The following PPARGC1A variants were observed in gnomAD, a reference collection of about 807,000 sequenced individuals.
PPARGC1A encodes PPARG coactivator 1 alpha, also known as peroxisome proliferator-activated receptor gamma coactivator 1-alpha.
Under a neutral mutation model 88.7 loss-of-function variants are expected in PPARGC1A, and 25 were observed. The ratio of observed to expected loss-of-function variants is 0.28; its 90% CI spans 0.21 to 0.39. The LOEUF (loss-of-function observed/expected upper bound fraction) is 0.39, where lower values mean the gene tolerates loss of function less well. PPARGC1A is among the 10% of genes least tolerant of loss of function. The probability of loss-of-function intolerance (pLI) is 1.00; values close to 1 mark genes in which losing one functional copy is unlikely to be tolerated. For missense variants in PPARGC1A, 880 were observed against 968.7 expected (o/e 0.91, Z 1.22); for synonymous variants, 363 against 355.6 (o/e 1.02, Z -0.24).
At chr4:24,220,441 T>C in the PPARGC1A span, among the ~76,000 whole-genome samples, 4 of 152,216 alleles carry the variant, frequency 2.6e-5, no homozygotes, top group African/African-American at 7.2e-5. Context: ...ATTGCAGCAC[T>C]ATTCACAATA....
At chr4:24,249,258 G>A in the PPARGC1A span, among the ~76,000 whole-genome samples, 2 of 151,824 alleles carry the variant, frequency 1.3e-5, no homozygotes, top group Non-Finnish European at 2.9e-5. Context: ...TAGCTATGAA[G>A]TTGCACTCCT....
chr4:24,233,585 TACACACACACACACACACACAC>T, the PPARGC1A span, among the ~76,000 whole-genome samples: 2 of 149,216 alleles, frequency 1.3e-5, no homozygotes, highest in Non-Finnish European at 3.0e-5. Context: ...CACAAACACA[TACACACACACACACACACACAC>T]ACACACACAC....
chr4:23,957,938 A>G, the PPARGC1A span, among the ~76,000 whole-genome samples: 1 of 152,118 alleles, frequency 6.6e-6, no homozygotes, highest in African/African-American at 2.4e-5. Flanking sequence ...TAGGTTGATT[A>G]TAGAGTCCAT....
chr4:24,128,571 TGTGTGTGTGC>T, the PPARGC1A span, among the ~76,000 whole-genome samples: 3 of 140,314 alleles, frequency 2.1e-5, no homozygotes, highest in African/African-American at 8.0e-5. Context: ...TGTGTGTGTG[TGTGTGTGTGC>T]ACGCGCATCT....
chr4:24,190,081 CAGA>C, the PPARGC1A span, among the ~76,000 whole-genome samples: 26 of 152,146 alleles, frequency 1.7e-4, no homozygotes, highest in Non-Finnish European at 2.8e-4. Flanking sequence ...TCTAGGGTTT[CAGA>C]AGATCTGTAC....
the PPARGC1A span, among the ~76,000 whole-genome samples, chr4:24,015,737 C>T: frequency 6.6e-6 from 1 of 152,164 alleles, no homozygotes; most frequent in Non-Finnish European, 1.5e-5. Flanking sequence ...TGTTAAGTTG[C>T]ATCTTACAGA....
chr4:24,383,194 C>T, the PPARGC1A span, among the ~76,000 whole-genome samples: 1 of 152,184 alleles, frequency 6.6e-6, no homozygotes, highest in Non-Finnish European at 1.5e-5. Context: ...ACAGAAAGAA[C>T]ATCCACATAG....
At chr4:24,413,716 G>A in the PPARGC1A span, among the ~76,000 whole-genome samples, 2 of 151,704 alleles carry the variant, frequency 1.3e-5, no homozygotes. Context: ...GAGAGGAGAG[G>A]AGAAAGATCT....
chr4:23,840,823 C>A (rs566692096), intron 2 of PPARGC1A, among the ~76,000 whole-genome samples: 1 of 152,002 alleles, frequency 6.6e-6, no homozygotes, highest in East Asian at 1.9e-4. Flanking sequence ...CTTTGTAATC[C>A]TCACCTCCTC....
chr4:23,802,984 C>T (rs1719088114), intron 10 of PPARGC1A, among the ~76,000 whole-genome samples: 1 of 152,056 alleles, frequency 6.6e-6, no homozygotes. Flanking sequence ...AATCATGGAA[C>T]AATACCTATT....
the PPARGC1A span, among the ~76,000 whole-genome samples, chr4:24,137,877 C>G: frequency 6.6e-6 from 1 of 152,148 alleles, no homozygotes; most frequent in Non-Finnish European, 1.5e-5. Flanking sequence ...CCCGTTTCCC[C>G]CCTCAAACAC....
At chr4:23,889,809 C>T (rs1717548003) in intron 1 of PPARGC1A, 95 bp downstream of exon 1, 3 of 1,456,646 alleles carry the variant, frequency 2.1e-6, no homozygotes, top group Non-Finnish European at 2.8e-6. Flanking sequence ...TTCCTGGCTC[C>T]TCTCTTTGCC....
the PPARGC1A span, among the ~76,000 whole-genome samples, chr4:24,408,526 T>C: frequency 6.6e-6 from 1 of 152,246 alleles, no homozygotes; most frequent in Non-Finnish European, 1.5e-5. Context: ...GACTTGCTTC[T>C]CTACGACCTC....
chr4:24,009,728 T>G, the PPARGC1A span, among the ~76,000 whole-genome samples: 2 of 152,212 alleles, frequency 1.3e-5, no homozygotes, highest in African/African-American at 2.4e-5. Context: ...CATTGGAGTC[T>G]GCTTCGGAAT....
At chr4:24,377,868 A>G in the PPARGC1A span, among the ~76,000 whole-genome samples, 2 of 152,328 alleles carry the variant, frequency 1.3e-5, no homozygotes, top group South Asian at 4.1e-4. Flanking sequence ...AATATTGTTC[A>G]CAGTTGCATG....
chr4:23,972,667 C>T, the PPARGC1A span, among the ~76,000 whole-genome samples: 98 of 152,256 alleles, frequency 6.4e-4, no homozygotes, highest in Non-Finnish European at 1.0e-3. Flanking sequence ...CTTATTTATT[C>T]ACCACACTCA....
At chr4:24,352,557 G>A in the PPARGC1A span, among the ~76,000 whole-genome samples, 2 of 152,162 alleles carry the variant, frequency 1.3e-5, no homozygotes, top group Non-Finnish European at 2.9e-5. Context: ...CTTTAACAAT[G>A]AGGCCCAGCA....
At chr4:23,795,978 C>T (rs933922585) in intron 12 of PPARGC1A, 53 bp from the exon 13 acceptor site, 1 of 1,202,250 alleles carries the variant, frequency 8.3e-7, no homozygotes, top group Non-Finnish European at 1.2e-6. Flanking sequence ...TGGCCATTAA[C>T]TCAATCATTC....
the PPARGC1A span, among the ~76,000 whole-genome samples, chr4:24,464,394 C>G: frequency 6.6e-6 from 1 of 152,120 alleles, no homozygotes; most frequent in East Asian, 1.9e-4. Flanking sequence ...TAACAGAAAA[C>G]AAAATGCTAA....
Sources: allele counts gnomAD v4.1 joint callset (sites outside exome capture counted in the v4.1 genomes callset), GRCh38; gene constraint gnomAD v4.1.1; transcripts MANE v1.5; gene names NCBI Gene and HGNC (gene_info 2026-07-23, HGNC 2026-07-21).